Variants in ADD1 observed in about 807,000 individuals in gnomAD.
ADD1 encodes the protein alpha-adducin.
Under a neutral mutation model 80.5 loss-of-function variants are expected in ADD1, and 24 were observed. That is an observed-to-expected ratio of 0.30 (90% confidence interval 0.22 to 0.42). The LOEUF (loss-of-function observed/expected upper bound fraction) is 0.42, where lower values mean the gene tolerates loss of function less well. Ranked by LOEUF, ADD1 falls within the 10% of genes least tolerant of loss-of-function variation. The pLI is 1.00. For synonymous variants in ADD1, 373 were observed against 393.8 expected (o/e 0.95, Z 0.63); for missense variants, 948 against 1,019.0 (o/e 0.93, Z 0.95).
chr4:2,910,765 A>G (rs1017576744), intron 13 of ADD1, among the ~76,000 whole-genome samples: 1 of 152,142 alleles, frequency 6.6e-6, no homozygotes, highest in Non-Finnish European at 1.5e-5. Flanking sequence ...TTCCTGAACG[A>G]TAGAGGTAGG....
chr4:2,911,448 A>ATATATATATT (rs553567632), intron 13 of ADD1, among the ~76,000 whole-genome samples: 1 of 130,504 alleles, frequency 7.7e-6, no homozygotes, highest in African/African-American at 3.0e-5. Context: ...ATATATATAT[A>ATATATATATT]TTTTTTTTTT....
Position 2,926,621 on chromosome 4 carries a change from C to T in ADD1, c.2047+509C>T, listed in dbSNP as rs1486514143. On this transcript the variant is annotated intron_variant, in intron 15 of 15. Transcript: ENST00000683351. The surrounding 1 kb of genome is among the most constrained non-coding windows in gnomAD (Gnocchi z 5.0). ...ATTCTCTCCTTGTGCTTTTTTCTCC[C>T]TGTGGCTGCGTCACAAGCAGGAGAC... 1.2e-6 allele frequency: 2 copies of T among 1,613,356 alleles called. No homozygotes were observed. Among genetic ancestry groups the T allele is most frequent in the Non-Finnish European group, 1.7e-6 (2 of 1,179,720 alleles).
chr4:2,907,016 T>C (rs1463759107), intron 10 of ADD1, among the ~76,000 whole-genome samples: 1 of 152,172 alleles, frequency 6.6e-6, no homozygotes, highest in East Asian at 1.9e-4. Context: ...AAAAAAATTA[T>C]GGGTGGAAGG....
intron 1 of ADD1, among the ~76,000 whole-genome samples, chr4:2,870,766 A>C (rs1309955338): frequency 6.6e-6 from 1 of 152,176 alleles, no homozygotes; most frequent in Admixed American, 6.5e-5. Flanking sequence ...AATGTCTACT[A>C]TTTCAACCCT....
At chr4:2,907,664 A>T in intron 10 of ADD1, 79 bp from the exon 11 acceptor site, 9 of 1,190,146 alleles carry the variant, frequency 7.6e-6, no homozygotes, top group Non-Finnish European at 8.8e-6. Flanking sequence ...ACCAGATGTG[A>T]GATAAACTGA....
chr4:2,850,828 C>A (rs1011355581), intron 1 of ADD1, among the ~76,000 whole-genome samples: 4 of 152,148 alleles, frequency 2.6e-5, no homozygotes, highest in Admixed American at 2.0e-4. Flanking sequence ...CCTCGGCCTC[C>A]CAAAGTGCTG....
At chr4:2,876,419 A>C (rs1731299720) in intron 2 of ADD1, 1 of 186,650 alleles carries the variant, frequency 5.4e-6, no homozygotes, top group Admixed American at 6.1e-5. Context: ...TACCTAGCTT[A>C]GGCTGGGTGC....
chr4:2,897,555 T>C (rs1735459109), intron 6 of ADD1, among the ~76,000 whole-genome samples: 1 of 146,766 alleles, frequency 6.8e-6, no homozygotes, highest in African/African-American at 2.5e-5. Flanking sequence ...TTTTTTTTTT[T>C]TTTTTTTTTT....
rs568502896 is a variant in ADD1 at position 2,890,583 on chromosome 4, T to C, written c.511-3430T>C. ...CACCACACCCGGCTAATTTTTTTTG[T>C]ATTTTTAGTAGAGACAGGGTTTCAC... On this transcript the variant is annotated intron_variant, in intron 4 of 15. Coordinates refer to ENST00000683351, the MANE Select transcript of ADD1 (RefSeq NM_001354761.2). Among the ~76,000 whole-genome samples, 6 of 152,044 alleles carry C rather than the reference T, an allele frequency of 3.9e-5. No individual in the cohort carries two copies. In the South Asian group the frequency reaches 1.2e-3, roughly 32 times the overall value.
chr4:2,916,516 T>G, intron 14 of ADD1, among the ~76,000 whole-genome samples: 2 of 152,194 alleles, frequency 1.3e-5, no homozygotes, highest in East Asian at 3.9e-4. Context: ...TTTAAGAGAC[T>G]TTTGTCTCTC....
intron 13 of ADD1, among the ~76,000 whole-genome samples, chr4:2,914,205 G>C (rs988680350): frequency 2.0e-5 from 3 of 152,228 alleles, no homozygotes; most frequent in Admixed American, 6.5e-5. Context: ...CCAGCCCACT[G>C]TGCTGGCCTG....
intron 1 of ADD1, among the ~76,000 whole-genome samples, chr4:2,862,833 A>G (rs1247046467): frequency 9.2e-5 from 14 of 152,202 alleles, no homozygotes. Flanking sequence ...TCCCCTGAGA[A>G]TGTGGATTGC....
At chr4:2,861,486 A>T (rs1260042976) in intron 1 of ADD1, among the ~76,000 whole-genome samples, 8 of 152,242 alleles carry the variant, frequency 5.3e-5, no homozygotes, top group Non-Finnish European at 1.2e-4. Flanking sequence ...CTTATTTTGA[A>T]TAAGTTAGGT....
intron 1 of ADD1, among the ~76,000 whole-genome samples, chr4:2,875,054 C>T (rs1325954520): frequency 1.3e-5 from 2 of 152,210 alleles, no homozygotes; most frequent in African/African-American, 2.4e-5. Context: ...CAGGGATACC[C>T]CCATCTCTAC....
rs1202300102 is a variant in ADD1, at chr4:2,906,136, GAAA to G, written c.1506+1033_1506+1035del. 7.2e-5 allele frequency among the ~76,000 whole-genome samples: 11 copies of G among 152,132 alleles called. No individual in the cohort carries two copies. In the South Asian group the frequency reaches 2.3e-3, roughly 32 times the overall value. On this transcript the variant is annotated intron_variant, in intron 10 of 15. Transcript: ENST00000683351. ...GTTTTACTTTATAGATTTATTTAAA[GAAA>G]AAAAGTTTTATCTTCCCCAGGTGGT...
In ADD1 at chr4:2,875,938, C is replaced by T. The variant is rs188077552; in HGVS notation, c.23C>T (p.Ala8Val). The change falls in exon 2 of 16, where the codon GCG becomes GTG. Residue 8 changes from alanine to valine, a missense_variant. Ala to Val is a moderately conservative substitution (Grantham distance 64). Coordinates refer to ENST00000683351, the MANE Select transcript of ADD1 (RefSeq NM_001354761.2). MNGDSRA[A>V]VVTSPPPTTA... ...ACAATGAATGGTGATTCTCGTGCTG[C>T]GGTGGTGACCTCACCACCCCCGACC... The T allele has an allele frequency of 6.6e-5, 106 of 1,603,266 alleles. No individual in the cohort carries two copies. Among genetic ancestry groups the T allele is most frequent in the South Asian group, 5.6e-5 (5 of 89,056 alleles).
Position 2,882,012 on chromosome 4 carries a change from A to G in ADD1, c.310A>G (p.Asn104Asp), listed in dbSNP as rs761042261. Residue 104 changes from asparagine (N) to aspartate (D), a missense_variant, in exon 3 of 16, where the codon AAT becomes GAT. Transcript: ENST00000683351. ...AGATTTTATGACCACGAATGTACCAAATGTCTACCCAGCAGCTCCGCAAGG... is the reference window on the plus strand; with the variant it reads ...AGATTTTATGACCACGAATGTACCAGATGTCTACCCAGCAGCTCCGCAAGG... ...IADFMTTNVP[N>D]VYPAAPQGGM... 1.2e-6 allele frequency: 2 copies of G among 1,613,216 alleles called. No individual in the cohort carries two copies. Among genetic ancestry groups the G allele is most frequent in the Non-Finnish European group, 1.7e-6 (2 of 1,179,812 alleles).
intron 1 of ADD1, among the ~76,000 whole-genome samples, chr4:2,850,768 C>T (rs1383890946): frequency 1.3e-5 from 2 of 151,994 alleles, no homozygotes; most frequent in African/African-American, 4.8e-5. Context: ...TGGGGTTTCA[C>T]CACGTTGCCC....
At chr4:2,900,321 C>G (rs1014159380) in intron 9 of ADD1, 2 of 152,358 alleles carry the variant, frequency 1.3e-5, no homozygotes, top group East Asian at 3.8e-4. Context: ...CCCGCAGCCA[C>G]ATCATCAGAC....
Sources: allele counts gnomAD v4.1 joint callset (sites outside exome capture counted in the v4.1 genomes callset), GRCh38; gene constraint gnomAD v4.1.1; non-coding constraint Gnocchi (gnomAD v3.1); transcripts MANE v1.5; gene names NCBI Gene and HGNC (gene_info 2026-07-23, HGNC 2026-07-21).